Variants in CACNA1E observed in about 807,000 individuals in gnomAD.
CACNA1E encodes the protein calcium voltage-gated channel subunit alpha1 E.
Under a neutral mutation model 259.2 loss-of-function variants are expected in CACNA1E, and 40 were observed. That is an observed-to-expected ratio of 0.15 (90% CI 0.12 to 0.20). The LOEUF (loss-of-function observed/expected upper bound fraction) is 0.20. Ranked by LOEUF, CACNA1E falls within the 10% of genes least tolerant of loss-of-function variation. The pLI is 1.00. For synonymous variants in CACNA1E, 1,104 were observed against 1,138.5 expected (o/e 0.97, Z 0.61); for missense variants, 1,874 against 3,040.1 (o/e 0.62, Z 9.02).
At chr1:181,337,247 C>T (rs1651784363) in intron 1 of CACNA1E, among the ~76,000 whole-genome samples, 2 of 151,788 alleles carry the variant, frequency 1.3e-5, no homozygotes, top group South Asian at 4.2e-4. Context: ...GCTCCTCCTC[C>T]CAGGTTCACG....
chr1:181,582,554 A>T (rs1288667642), intron 6 of CACNA1E, among the ~76,000 whole-genome samples: 1 of 152,262 alleles, frequency 6.6e-6, no homozygotes, highest in Non-Finnish European at 1.5e-5. Flanking sequence ...TTGAGGATAC[A>T]GGCGTGATTG....
chr1:181,696,051 T>A (rs1418243177), intron 7 of CACNA1E, among the ~76,000 whole-genome samples: 1 of 152,202 alleles, frequency 6.6e-6, no homozygotes, highest in African/African-American at 2.4e-5. Flanking sequence ...GCGAGACAAA[T>A]GTTTCTTGGA....
At chr1:181,566,601 T>C (rs10910961) in intron 3 of CACNA1E, among the ~76,000 whole-genome samples, 1 of 152,160 alleles carries the variant, frequency 6.6e-6, no homozygotes, top group African/African-American at 2.4e-5. Context: ...TTGGGGAACC[T>C]CTTCTTGAGG....
intron 6 of CACNA1E, among the ~76,000 whole-genome samples, chr1:181,607,378 T>G (rs1271551784): frequency 6.6e-6 from 1 of 152,222 alleles, no homozygotes; most frequent in South Asian, 2.1e-4. Flanking sequence ...TAAATTTTGT[T>G]GTCACACTCA....
rs2102948223 is a variant in CACNA1E at position 181,807,363 on chromosome 1, T to A, written c.*8529T>A. The A allele has an allele frequency of 6.6e-6, 1 of 152,216 alleles. No homozygotes were observed. The highest frequency in any genetic ancestry group is 6.5e-5 in the Admixed American group (1 of 15,280). 9.4% of individuals were successfully genotyped at this position (152,216 alleles called of 1,614,324 possible). A position where few individuals can be genotyped will look rare whatever the true frequency, so the allele number is the denominator to read the frequency against. ...CCTCTGAAAAAAGGTGGGGGGATTA[T>A]AGGGCACCAGCTCAGCCGCCAAGTT... On this transcript the variant is annotated 3_prime_UTR_variant, in exon 48 of 48. Transcript: ENST00000367573.
intron 7 of CACNA1E, among the ~76,000 whole-genome samples, chr1:181,658,661 G>A (rs559662339): frequency 6.6e-6 from 1 of 152,154 alleles, no homozygotes; most frequent in Non-Finnish European, 1.5e-5. Flanking sequence ...TCTGGGAGAT[G>A]GTCTGCACAG....
At chr1:181,346,712 C>G (rs1379325484) in intron 1 of CACNA1E, among the ~76,000 whole-genome samples, 2 of 152,156 alleles carry the variant, frequency 1.3e-5, no homozygotes, top group Non-Finnish European at 2.9e-5. Context: ...CTTGGGATCA[C>G]ATTCCCTTCA....
intron 32 of CACNA1E, 32 bp from the exon 33 acceptor site, chr1:181,762,542 C>A (rs1226644832): frequency 8.0e-7 from 1 of 1,244,280 alleles, no homozygotes; most frequent in East Asian, 2.4e-5. Context: ...CTTTCCTTTT[C>A]TGATGTTCCT....
At chr1:181,583,952 C>T (rs1306500079) in intron 6 of CACNA1E, among the ~76,000 whole-genome samples, 1 of 152,184 alleles carries the variant, frequency 6.6e-6, no homozygotes, top group Non-Finnish European at 1.5e-5. Context: ...ATAAGTATGT[C>T]TTCCACAGTA....
At chr1:181,764,430 G>A (rs1305562957) in intron 34 of CACNA1E, among the ~76,000 whole-genome samples, 1 of 152,118 alleles carries the variant, frequency 6.6e-6, no homozygotes, top group Non-Finnish European at 1.5e-5. Context: ...ATTATTTATA[G>A]TTTAATTAAA....
At chr1:181,778,066 G>A (rs548658168) in intron 38 of CACNA1E, among the ~76,000 whole-genome samples, 6 of 152,338 alleles carry the variant, frequency 3.9e-5, no homozygotes, top group Admixed American at 1.3e-4. Flanking sequence ...AGACTCAGAC[G>A]TGTGGACTGG....
intron 3 of CACNA1E, among the ~76,000 whole-genome samples, chr1:181,574,870 C>T (rs963306172): frequency 2.5e-4 from 38 of 151,968 alleles, no homozygotes; most frequent in African/African-American, 9.2e-4. Context: ...ACTAAAAATA[C>T]AAAAATCAGC....
At chr1:181,319,678 T>C (rs1056420567) in intron 1 of CACNA1E, among the ~76,000 whole-genome samples, 2 of 152,198 alleles carry the variant, frequency 1.3e-5, no homozygotes, top group Admixed American at 6.5e-5. Flanking sequence ...TGGACAGAGA[T>C]GTTGGTAATA....
In CACNA1E at chr1:181,801,063, T is replaced by C. The variant is rs1235574294; in HGVS notation, c.*2229T>C. Reference sequence around the variant, plus strand: ...GCTGATACTGGGCCTTGTATTGCTTTTAAAGTTTCCTCTGCTCAGCATCAT... The same window carrying C: ...GCTGATACTGGGCCTTGTATTGCTTCTAAAGTTTCCTCTGCTCAGCATCAT... On this transcript the variant is annotated 3_prime_UTR_variant, in exon 48 of 48. Coordinates refer to ENST00000367573, the MANE Select transcript of CACNA1E (RefSeq NM_001205293.3). 1 of 152,676 alleles carries C rather than the reference T, an allele frequency of 6.5e-6. No homozygotes were observed. Among genetic ancestry groups the C allele is most frequent in the Admixed American group, 6.5e-5 (1 of 15,292 alleles). 9.5% of individuals were successfully genotyped at this position (152,676 alleles called of 1,614,324 possible).
intron 8 of CACNA1E, among the ~76,000 whole-genome samples, chr1:181,712,573 C>T (rs1241966276): frequency 6.6e-6 from 1 of 152,186 alleles, no homozygotes; most frequent in Non-Finnish European, 1.5e-5. Flanking sequence ...TTGCGATCTG[C>T]ACTCCCTTGT....
intron 7 of CACNA1E, among the ~76,000 whole-genome samples, chr1:181,705,360 C>T (rs1047878057): frequency 6.6e-6 from 1 of 152,190 alleles, no homozygotes; most frequent in Non-Finnish European, 1.5e-5. Flanking sequence ...TTGAGTTTTA[C>T]AATTTATATT....
intron 26 of CACNA1E, 136 bp from the exon 27 acceptor site, chr1:181,752,007 C>T: frequency 1.4e-6 from 1 of 728,490 alleles, no homozygotes; most frequent in East Asian, 2.7e-5. Context: ...AAATCTGACT[C>T]AGTTTCTGGC....
chr1:181,345,587 G>A (rs1652527185), intron 1 of CACNA1E, among the ~76,000 whole-genome samples: 1 of 152,176 alleles, frequency 6.6e-6, no homozygotes, highest in African/African-American at 2.4e-5. Context: ...TGTCAGGTCA[G>A]TCTACTGGCG....
chr1:181,781,469 C>T lies in CACNA1E; in HGVS notation c.5310C>T (p.Leu1770=). 1 of 1,598,264 alleles carries T rather than the reference C, an allele frequency of 6.3e-7. No homozygotes were observed. The highest frequency in any genetic ancestry group is 8.5e-7 in the Non-Finnish European group (1 of 1,170,772). The part of the protein sequence containing the change: ...HYTEMYEMLT[L]MSPPLGLGKR... ...CTGAGATGTATGAAATGCTGACTCT[C>T]ATGTCACCTCCGCTAGGCCTCGGCA... Residue 1770 remains leucine, a synonymous_variant, in exon 39 of 48, where the codon CTC becomes CTT. Coordinates refer to ENST00000367573, the MANE Select transcript of CACNA1E (RefSeq NM_001205293.3).
Sources: allele counts gnomAD v4.1 joint callset (sites outside exome capture counted in the v4.1 genomes callset), GRCh38; gene constraint gnomAD v4.1.1; transcripts MANE v1.5; gene names NCBI Gene and HGNC (gene_info 2026-07-23, HGNC 2026-07-21).